The following FRMD5 variants were observed in gnomAD, a reference collection of about 807,000 sequenced individuals.
The protein encoded by FRMD5 is FERM domain-containing protein 5.
In FRMD5, 20 loss-of-function variants were observed where a neutral mutation model predicts 69.0. The observed-to-expected ratio is 0.29, with a 90% CI of 0.20 to 0.42. The LOEUF (loss-of-function observed/expected upper bound fraction) is 0.42. FRMD5 is among the 10% of genes least tolerant of loss of function. The probability of loss-of-function intolerance (pLI) is 1.00; values close to 1 mark genes in which losing one functional copy is unlikely to be tolerated. For synonymous variants in FRMD5, 271 were observed against 260.1 expected (o/e 1.04, Z -0.40); for missense variants, 595 against 708.6 (o/e 0.84, Z 1.82).
chr15:43,902,328 C>G (rs2089066380), intron 6 of FRMD5, 66 bp from the exon 7 acceptor site: 1 of 1,313,390 alleles, frequency 7.6e-7, no homozygotes, highest in Admixed American at 1.7e-5. Flanking sequence ...GAGGTAAACT[C>G]TCTATGAAGA....
intron 1 of FRMD5, among the ~76,000 whole-genome samples, chr15:44,039,922 C>A (rs535802070): frequency 7.0e-4 from 106 of 151,906 alleles, no homozygotes; most frequent in Non-Finnish European, 1.4e-3. Flanking sequence ...AAGCTAAGAA[C>A]CTTGAAAAAA....
At chr15:44,158,622 G>T (rs1487100106) in intron 1 of FRMD5, among the ~76,000 whole-genome samples, 2 of 152,154 alleles carry the variant, frequency 1.3e-5, no homozygotes, top group East Asian at 3.8e-4. Context: ...ATGTGCAACT[G>T]CTGAGAAATT....
Position 43,883,744 on chromosome 15 carries a change from G to A in FRMD5, c.1094C>T (p.Pro365Leu). 6.2e-7 allele frequency: 1 copy of A among 1,613,862 alleles called. No homozygotes were observed. The highest frequency in any genetic ancestry group is 8.5e-7 in the Non-Finnish European group (1 of 1,179,856). Residue 365 changes from proline (P) to leucine (L), a missense_variant, in exon 13 of 14, where the codon CCC becomes CTC. Coordinates refer to ENST00000417257, the MANE Select transcript of FRMD5 (RefSeq NM_032892.5). ...ITHGPRLSSVPRTRRRAVHIS... is the reference protein window; with the variant it reads ...ITHGPRLSSVLRTRRRAVHIS... ...GTGAACAGCTCTTCTGCGGGTCCTG[G>A]GGACGCTGCTCAGCCTTGGGCCATG...
intron 7 of FRMD5, among the ~76,000 whole-genome samples, chr15:43,897,777 GTGGAA>G (rs1202637751): frequency 6.6e-6 from 1 of 152,152 alleles, no homozygotes; most frequent in Admixed American, 6.5e-5. Context: ...CAAATCTGAT[GTGGAA>G]TTTTAACCCC....
At chr15:44,036,812 C>T (rs141843150) in intron 1 of FRMD5, among the ~76,000 whole-genome samples, 2 of 152,254 alleles carry the variant, frequency 1.3e-5, no homozygotes, top group East Asian at 3.9e-4. Flanking sequence ...AGAAGCAGTG[C>T]TGGTGAGCAT....
rs542101865 is a variant in FRMD5, at chr15:44,192,374, C to T, written c.102+2579G>A. ...TAAGTAGTCTCTGATTATGCTAAGG[C>T]AGTAAAATCATTCTAAAATAGATAC... is the stretch of plus-strand genomic sequence containing the variant. On this transcript the variant is annotated intron_variant, in intron 1 of 13. Transcript: ENST00000417257. Among the ~76,000 whole-genome samples, 8 of 152,258 alleles carry T rather than the reference C, an allele frequency of 5.3e-5. No homozygotes were observed. The South Asian group carries it at 1.7e-3, about 32-fold the overall frequency.
chr15:44,149,178 G>T (rs1426432786), intron 1 of FRMD5, among the ~76,000 whole-genome samples: 1 of 152,014 alleles, frequency 6.6e-6, no homozygotes, highest in Non-Finnish European at 1.5e-5. Flanking sequence ...TGTGATTAAA[G>T]TTGAACTTGT....
At chr15:43,918,207 C>T (rs918690613) in intron 4 of FRMD5, among the ~76,000 whole-genome samples, 1 of 152,120 alleles carries the variant, frequency 6.6e-6, no homozygotes, top group Non-Finnish European at 1.5e-5. Context: ...AGGCGGGTCA[C>T]GAGCTCAGGA....
chr15:43,972,434 A>G (rs2090395150), intron 1 of FRMD5, among the ~76,000 whole-genome samples: 1 of 152,214 alleles, frequency 6.6e-6, no homozygotes, highest in Non-Finnish European at 1.5e-5. Flanking sequence ...CTAATGGACA[A>G]TAAGATGTGG....
chr15:43,908,863 G>A (rs1227991308), intron 5 of FRMD5, among the ~76,000 whole-genome samples: 2 of 152,136 alleles, frequency 1.3e-5, no homozygotes, highest in African/African-American at 4.8e-5. Flanking sequence ...GAACTAAAAG[G>A]TCTCTGAAAT....
intron 1 of FRMD5, among the ~76,000 whole-genome samples, chr15:44,094,630 G>A (rs973314005): frequency 6.6e-6 from 1 of 152,070 alleles, no homozygotes. Flanking sequence ...TCTTTTGATT[G>A]TAGCACAAAT....
At chr15:43,892,760 A>G (rs1353125436) in intron 7 of FRMD5, among the ~76,000 whole-genome samples, 1 of 152,242 alleles carries the variant, frequency 6.6e-6, no homozygotes, top group Non-Finnish European at 1.5e-5. Context: ...TCAGGTTGTG[A>G]TCTTTTAACC....
intron 1 of FRMD5, among the ~76,000 whole-genome samples, chr15:44,010,404 T>TC (rs1193774441): frequency 2.0e-5 from 3 of 150,716 alleles, no homozygotes; most frequent in Non-Finnish European, 3.0e-5. Flanking sequence ...CCTTTTCTTT[T>TC]TTTTTTTTTT....
intron 1 of FRMD5, among the ~76,000 whole-genome samples, chr15:44,181,128 C>G (rs1250442699): frequency 3.2e-4 from 48 of 152,314 alleles, no homozygotes; most frequent in Non-Finnish European, 4.4e-5. Context: ...CAGCCTCCAA[C>G]TCTGGGGCTC....
At chr15:44,047,615 C>A (rs1180144276) in intron 1 of FRMD5, among the ~76,000 whole-genome samples, 1 of 152,150 alleles carries the variant, frequency 6.6e-6, no homozygotes, top group Non-Finnish European at 1.5e-5. Flanking sequence ...ATTTAAAGGG[C>A]ACAATTCAGT....
Position 44,195,081 on chromosome 15 carries a change from C to A in FRMD5, c.-27G>T. 1 of 1,491,640 alleles carries A rather than the reference C, an allele frequency of 6.7e-7. No homozygotes were observed. Among genetic ancestry groups the A allele is most frequent in the Non-Finnish European group, 8.9e-7 (1 of 1,124,334 alleles). The allele number at this position is 1,491,640 out of a possible 1,614,324, so 92.4% of individuals were successfully genotyped here. On this transcript the variant is annotated 5_prime_UTR_variant, in exon 1 of 14. Coordinates refer to ENST00000417257, the MANE Select transcript of FRMD5 (RefSeq NM_032892.5). ...TTCCCGCCCGCCCGCCCGGGAGCGA[C>A]GCGGCGGCGCTGCGGACCCTGGACC...
At chr15:44,106,712 T>C (rs1417592172) in intron 1 of FRMD5, among the ~76,000 whole-genome samples, 1 of 152,152 alleles carries the variant, frequency 6.6e-6, no homozygotes, top group Admixed American at 6.5e-5. Flanking sequence ...CAACTGTACT[T>C]ATCCTTTGAG....
chr15:44,153,625 G>A lies in FRMD5; in HGVS notation c.102+41328C>T, dbSNP rs1410656678. On this transcript the variant is annotated intron_variant, in intron 1 of 13. Coordinates refer to ENST00000417257, the MANE Select transcript of FRMD5 (RefSeq NM_032892.5). Reference sequence around the variant, plus strand: ...AAAAAGACTGTGGAGGTGGATGGTGGTAATGGTTGCACATTATGAATGTAT... The same window carrying A: ...AAAAAGACTGTGGAGGTGGATGGTGATAATGGTTGCACATTATGAATGTAT... Among the ~76,000 whole-genome samples, 10 of 152,300 alleles carry A rather than the reference G, an allele frequency of 6.6e-5. No homozygotes were observed. The East Asian group carries it at 1.7e-3, about 26-fold the overall frequency.
intron 1 of FRMD5, among the ~76,000 whole-genome samples, chr15:44,002,558 A>T (rs988452007): frequency 2.4e-4 from 37 of 151,874 alleles, no homozygotes; most frequent in African/African-American, 8.7e-4. Flanking sequence ...AGGGCTTACA[A>T]CTCTAAGGGG....
Sources: gnomAD v4.1 joint callset for allele counts (sites outside exome capture counted in the v4.1 genomes callset) on GRCh38, gnomAD v4.1.1 for gene constraint, MANE v1.5 for transcripts, NCBI Gene and HGNC (gene_info 2026-07-23, HGNC 2026-07-21) for gene names.